Variants in FAM81A observed in about 807,000 individuals in gnomAD.
FAM81A encodes protein FAM81A.
In FAM81A, 19 loss-of-function variants were observed where a neutral mutation model predicts 46.7. The observed-to-expected ratio is 0.41, with a 90% confidence interval of 0.28 to 0.60. The LOEUF (loss-of-function observed/expected upper bound fraction) is 0.60. Ranked by LOEUF, FAM81A falls within the 20% of genes least tolerant of loss-of-function variation. The pLI is 0.34. For missense variants in FAM81A, 377 were observed against 453.5 expected (o/e 0.83, Z 1.53); for synonymous variants, 183 against 152.9 (o/e 1.20, Z -1.45).
chr15:59,432,858 G>A (rs1332599760), intron 2 of FAM81A, among the ~76,000 whole-genome samples: 2 of 151,978 alleles, frequency 1.3e-5, no homozygotes, highest in African/African-American at 2.4e-5. Flanking sequence ...AAATCAGGCC[G>A]GGCATGGTGG....
At chr15:59,466,194 G>A (rs2081611147) in intron 3 of FAM81A, among the ~76,000 whole-genome samples, 1 of 152,190 alleles carries the variant, frequency 6.6e-6, no homozygotes, top group African/African-American at 2.4e-5. Flanking sequence ...ATAGTAGTAT[G>A]ATTTGCAATC....
In FAM81A at chr15:59,508,585, C is replaced by T. The variant is rs80048177; in HGVS notation, c.544-278C>T. ...CTATCATGACAGCTGGTAGAAGTTG[C>T]GGTCTTGGGTAGGAATTGGGCTTGC... On this transcript the variant is annotated intron_variant, in intron 5 of 8. Coordinates refer to ENST00000288228, the MANE Select transcript of FAM81A (RefSeq NM_152450.3). Among the ~76,000 whole-genome samples, 429 of 152,102 alleles carry T rather than the reference C, an allele frequency of 2.8e-3. 2 individuals are homozygous for T. Among genetic ancestry groups the T allele is most frequent in the Middle Eastern group, 6.8e-3 (2 of 294 alleles).
At chr15:59,428,621 CTTTTTTTTTTTT>C (rs1206186244) in intron 2 of FAM81A, among the ~76,000 whole-genome samples, 2 of 70,232 alleles carry the variant, frequency 2.8e-5, no homozygotes, top group East Asian at 5.8e-4. Context: ...ATGTCTACTC[CTTTTTTTTTTTT>C]TTTTTTTTTT....
At chr15:59,418,653 C>T (rs1228018939) in intron 2 of FAM81A, among the ~76,000 whole-genome samples, 8 of 152,182 alleles carry the variant, frequency 5.3e-5, no homozygotes, top group African/African-American at 1.2e-4. Flanking sequence ...CCGTAAAGGG[C>T]GACTTTCCTT....
At chr15:59,451,946 G>A (rs1205237509) in intron 1 of FAM81A, among the ~76,000 whole-genome samples, 1 of 152,206 alleles carries the variant, frequency 6.6e-6, no homozygotes, top group African/African-American at 2.4e-5. Context: ...GATTAGCTCT[G>A]ATGTGCCAAG....
At chr15:59,467,065 T>G (rs1455555929) in intron 3 of FAM81A, among the ~76,000 whole-genome samples, 1 of 152,232 alleles carries the variant, frequency 6.6e-6, no homozygotes, top group Non-Finnish European at 1.5e-5. Flanking sequence ...CATTGGTCTA[T>G]ATGTCTGTTT....
chr15:59,479,081 C>A (rs2141705270), intron 3 of FAM81A, among the ~76,000 whole-genome samples: 1 of 152,352 alleles, frequency 6.6e-6, no homozygotes. Flanking sequence ...CCCAAGCACA[C>A]AGGCCTCTGA....
At chr15:59,514,262 A>T in intron 6 of FAM81A, 27 bp from the exon 7 acceptor site, 1 of 1,550,008 alleles carries the variant, frequency 6.5e-7, no homozygotes, top group African/African-American at 1.4e-5. Context: ...ACTGTTTTAC[A>T]TCTAACTTGC....
In FAM81A at chr15:59,491,971, AAAAAG is replaced by A. The variant is rs1268550338; in HGVS notation, c.295-295_295-291del. ...ACAGAGCAAGACTCCATCTCAAAAA[AAAAAG>A]AAAAAAGAAAAAAGAAAAAGAAAGT... On this transcript the variant is annotated intron_variant, in intron 3 of 8. Coordinates refer to ENST00000288228, the MANE Select transcript of FAM81A (RefSeq NM_152450.3). Among the ~76,000 whole-genome samples, 427 of 129,426 alleles carry A rather than the reference AAAAAG, an allele frequency of 3.3e-3. 5 individuals are homozygous for A. Among genetic ancestry groups the A allele is most frequent in the African/African-American group, 0.013 (414 of 32,088 alleles). 84.9% of individuals were successfully genotyped at this position (129,426 alleles called of 152,430 possible). A position where few individuals can be genotyped will look rare whatever the true frequency, so the allele number is the denominator to read the frequency against.
At chr15:59,479,088 C>G (rs116014936) in intron 3 of FAM81A, among the ~76,000 whole-genome samples, 1,801 of 152,344 alleles carry the variant, frequency 0.012, 28 homozygotes, top group African/African-American at 0.038. Flanking sequence ...ACACAGGCCT[C>G]TGATCTTCGC....
intron 2 of FAM81A, among the ~76,000 whole-genome samples, chr15:59,429,906 G>A (rs530819670): frequency 7.2e-5 from 11 of 152,326 alleles, no homozygotes; most frequent in African/African-American, 2.4e-4. Context: ...GCTGAGAACA[G>A]GGCAGGCAGG....
chr15:59,488,550 C>G (rs1406711558), intron 3 of FAM81A, among the ~76,000 whole-genome samples: 1 of 152,168 alleles, frequency 6.6e-6, no homozygotes, highest in Non-Finnish European at 1.5e-5. Context: ...ACTATTAGTA[C>G]TGATAAACAA....
intron 3 of FAM81A, among the ~76,000 whole-genome samples, chr15:59,482,741 C>A (rs533577082): frequency 1.3e-5 from 2 of 152,314 alleles, no homozygotes; most frequent in African/African-American, 4.8e-5. Flanking sequence ...AAGGTTTGCA[C>A]CACTACATAC....
chr15:59,489,270 CATACAT>C (rs2081955844), intron 3 of FAM81A, among the ~76,000 whole-genome samples: 1 of 21,310 alleles, frequency 4.7e-5, no homozygotes, highest in African/African-American at 2.2e-4. Context: ...ATCTCAAATA[CATACAT>C]ACATACATAC....
intron 3 of FAM81A, among the ~76,000 whole-genome samples, chr15:59,469,955 T>C (rs2081663804): frequency 6.6e-6 from 1 of 152,190 alleles, no homozygotes; most frequent in Non-Finnish European, 1.5e-5. Flanking sequence ...TAAAGGATTT[T>C]ATTTCTCCTT....
intron 3 of FAM81A, among the ~76,000 whole-genome samples, chr15:59,462,382 T>A (rs2081563368): frequency 6.6e-6 from 1 of 152,146 alleles, no homozygotes; most frequent in Non-Finnish European, 1.5e-5. Flanking sequence ...TGGTTTTAAT[T>A]TGTATTTTCC....
chr15:59,516,719 A>G lies in FAM81A; in HGVS notation c.861A>G (p.Gln287=). The change falls in exon 8 of 9, where the codon CAA becomes CAG. Residue 287 remains glutamine, a synonymous_variant. Coordinates refer to ENST00000288228, the MANE Select transcript of FAM81A (RefSeq NM_152450.3). ...SARLDKIEEG[Q]KKTFDGQRTR... ...GGCTTGACAAAATAGAAGAGGGTCAAAAGAAGACTTTTGATGGTCAGAGAA... is the reference window on the plus strand; with the variant it reads ...GGCTTGACAAAATAGAAGAGGGTCAGAAGAAGACTTTTGATGGTCAGAGAA... 2 of 1,613,846 alleles carry G rather than the reference A, an allele frequency of 1.2e-6. No homozygotes were observed. The highest frequency in any genetic ancestry group is 1.7e-6 in the Non-Finnish European group (2 of 1,179,806).
chr15:59,484,048 C>T (rs563921010), intron 3 of FAM81A, among the ~76,000 whole-genome samples: 1 of 152,284 alleles, frequency 6.6e-6, no homozygotes, highest in African/African-American at 2.4e-5. Flanking sequence ...CAAGCCCCTT[C>T]CACTACTCTC....
chr15:59,442,379 A>T (rs1256379156), intron 1 of FAM81A, among the ~76,000 whole-genome samples: 1 of 152,130 alleles, frequency 6.6e-6, no homozygotes, highest in African/African-American at 2.4e-5. Context: ...TTGGGAGGCC[A>T]AGGCGGGTGT....
Sources: allele counts gnomAD v4.1 joint callset (sites outside exome capture counted in the v4.1 genomes callset), GRCh38; gene constraint gnomAD v4.1.1; transcripts MANE v1.5; gene names NCBI Gene and HGNC (gene_info 2026-07-23, HGNC 2026-07-21).